The following FAT3 variants were observed in gnomAD, a reference collection of about 807,000 sequenced individuals.
FAT3 encodes FAT atypical cadherin 3.
FAT3 carries 95 observed loss-of-function variants against 310.2 expected under a neutral mutation model. The ratio of observed to expected loss-of-function variants is 0.31; its 90% confidence interval spans 0.26 to 0.36. The LOEUF (loss-of-function observed/expected upper bound fraction) is 0.36. FAT3 is among the 10% of genes least tolerant of loss of function. The pLI, the probability that FAT3 is intolerant of heterozygous loss-of-function variation, is 1.00. For missense variants in FAT3, 5,408 were observed against 5,715.6 expected (o/e 0.95, Z 1.74); for synonymous variants, 2,314 against 2,192.9 (o/e 1.06, Z -1.54).
At chr11:92,249,940 A>G (rs1318028762) in intron 1 of FAT3, among the ~76,000 whole-genome samples, 1 of 152,138 alleles carries the variant, frequency 6.6e-6, no homozygotes, top group African/African-American at 2.4e-5. Flanking sequence ...TTCTGGTGCA[A>G]GATAGAACAG....
intron 4 of FAT3, among the ~76,000 whole-genome samples, chr11:92,698,031 G>A (rs531005): frequency 0.5 from 76,547 of 151,970 alleles, 19,772 homozygotes; most frequent in African/African-American, 0.6. Flanking sequence ...GAGCTTTGCA[G>A]CACATTCTTT....
intron 2 of FAT3, among the ~76,000 whole-genome samples, chr11:92,432,768 G>T (rs949182605): frequency 1.3e-5 from 2 of 152,146 alleles, no homozygotes; most frequent in Non-Finnish European, 2.9e-5. Flanking sequence ...CACTGTGCTG[G>T]GAGATCTGCT....
chr11:92,466,899 A>G (rs1405623710), intron 2 of FAT3, among the ~76,000 whole-genome samples: 3 of 151,722 alleles, frequency 2.0e-5, no homozygotes, highest in Non-Finnish European at 4.4e-5. Context: ...ATGTCCCTAC[A>G]AAGGACATGA....
chr11:92,254,831 G>A (rs1004583675), intron 1 of FAT3, among the ~76,000 whole-genome samples: 13 of 151,892 alleles, frequency 8.6e-5, no homozygotes, highest in African/African-American at 2.9e-4. Context: ...TCAGCCTCCC[G>A]AGTAGCTGGG....
At chr11:92,860,731 G>A (rs1470447363) in intron 21 of FAT3, among the ~76,000 whole-genome samples, 1 of 152,190 alleles carries the variant, frequency 6.6e-6, no homozygotes, top group Non-Finnish European at 1.5e-5. Flanking sequence ...TAGTTCTAAA[G>A]GCAGGTGAGG....
intron 6 of FAT3, among the ~76,000 whole-genome samples, chr11:92,771,762 TA>T (rs5793624): frequency 0.37 from 52,428 of 140,452 alleles, 9,758 homozygotes; most frequent in African/African-American, 0.49. Context: ...GAGAGAACTG[TA>T]AAAAAAAAAA....
chr11:92,801,562 C>T lies in FAT3; in HGVS notation c.8549C>T (p.Thr2850Ile), dbSNP rs532150746. The T allele has an allele frequency of 1.2e-6, 2 of 1,608,374 alleles. No individual in the cohort carries two copies. Among genetic ancestry groups the T allele is most frequent in the African/African-American group, 1.3e-5 (1 of 74,980 alleles). The stretch of plus-strand genomic sequence containing the variant: ...GACTGGGGAGCCAATGGACAAGTCA[C>T]TTACTCCCTCCACTCGGATTCCCAG... ...DMDWGANGQVTYSLHSDSQPE... is the reference protein window; with the variant it reads ...DMDWGANGQVIYSLHSDSQPE... Residue 2850 changes from threonine to isoleucine, a missense_variant, in exon 10 of 28, where the codon ACT (threonine) becomes ATT (isoleucine). Transcript: ENST00000525166.
intron 3 of FAT3, among the ~76,000 whole-genome samples, chr11:92,660,273 G>T (rs1942736332): frequency 6.6e-6 from 1 of 151,964 alleles, no homozygotes; most frequent in Non-Finnish European, 1.5e-5. Flanking sequence ...GCTGGGACAA[G>T]GTGGGGGTGG....
At chr11:92,789,740 G>A (rs1946987483) in intron 7 of FAT3, among the ~76,000 whole-genome samples, 1 of 152,148 alleles carries the variant, frequency 6.6e-6, no homozygotes, top group African/African-American at 2.4e-5. Flanking sequence ...CATAGTTTAT[G>A]TTCCTGCTAA....
At chr11:92,703,024 C>G (rs554260687) in intron 4 of FAT3, among the ~76,000 whole-genome samples, 2 of 152,300 alleles carry the variant, frequency 1.3e-5, no homozygotes, top group South Asian at 2.1e-4. Context: ...GAGGAATAGA[C>G]TAGATCCATA....
At chr11:92,795,836 A>T (rs112939886) in intron 9 of FAT3, among the ~76,000 whole-genome samples, 2,039 of 152,206 alleles carry the variant, frequency 0.013, 49 homozygotes, top group African/African-American at 0.046. Flanking sequence ...TGAACCCAGG[A>T]GACAGAGGTT....
intron 1 of FAT3, among the ~76,000 whole-genome samples, chr11:92,340,794 G>A (rs1948236030): frequency 2.0e-5 from 3 of 152,192 alleles, no homozygotes; most frequent in African/African-American, 7.2e-5. Flanking sequence ...TCCAGGCAAT[G>A]TGGGCTTATA....
rs145482241 is a variant in FAT3, at chr11:92,521,919, G to A, written c.3293-2715G>A. Reference sequence around the variant, plus strand: ...CTAAACCAGATTAGCCCTTCTGGCTGTTGGGTATGCATTTATCCCCTCAGT... The same window carrying A: ...CTAAACCAGATTAGCCCTTCTGGCTATTGGGTATGCATTTATCCCCTCAGT... On this transcript the variant is annotated intron_variant, in intron 2 of 27. Coordinates refer to ENST00000525166, the MANE Select transcript of FAT3 (RefSeq NM_001367949.2). 4.6e-5 allele frequency among the ~76,000 whole-genome samples: 7 copies of A among 152,210 alleles called. No homozygotes were observed. The East Asian group carries it at 9.7e-4, about 21-fold the overall frequency.
At chr11:92,477,488 G>A (rs1484920404) in intron 2 of FAT3, among the ~76,000 whole-genome samples, 2 of 152,104 alleles carry the variant, frequency 1.3e-5, no homozygotes, top group South Asian at 2.1e-4. Flanking sequence ...GTTCTTATAG[G>A]CATGTCTTTA....
At chr11:92,430,206 G>T (rs186139248) in intron 2 of FAT3, among the ~76,000 whole-genome samples, 11 of 152,272 alleles carry the variant, frequency 7.2e-5, no homozygotes, top group African/African-American at 2.4e-4. Context: ...AAGTCCTCAT[G>T]CTGTGTTTTG....
intron 2 of FAT3, among the ~76,000 whole-genome samples, chr11:92,410,287 GGTGT>G (rs1045374892): frequency 2.0e-5 from 3 of 151,432 alleles, no homozygotes; most frequent in African/African-American, 7.3e-5. Context: ...TTTTTTTATA[GGTGT>G]GTGTGTGTGT....
At chr11:92,761,302 C>T (rs879832565) in intron 4 of FAT3, among the ~76,000 whole-genome samples, 2 of 152,200 alleles carry the variant, frequency 1.3e-5, no homozygotes, top group African/African-American at 2.4e-5. Flanking sequence ...CAGCCTCTTT[C>T]GAAGGGCACT....
intron 3 of FAT3, among the ~76,000 whole-genome samples, chr11:92,536,417 C>A (rs1178592418): frequency 6.6e-6 from 1 of 152,078 alleles, no homozygotes; most frequent in Non-Finnish European, 1.5e-5. Context: ...GCATTTTGAT[C>A]CCAGCTTCTT....
intron 1 of FAT3, among the ~76,000 whole-genome samples, chr11:92,347,942 T>A (rs1312461931): frequency 1.3e-5 from 2 of 152,140 alleles, no homozygotes; most frequent in Non-Finnish European, 2.9e-5. Flanking sequence ...TTGGCTTCAA[T>A]GTGGAAAGGG....
Sources: gnomAD v4.1 joint callset for allele counts (sites outside exome capture counted in the v4.1 genomes callset) on GRCh38, gnomAD v4.1.1 for gene constraint, MANE v1.5 for transcripts, NCBI Gene and HGNC (gene_info 2026-07-23, HGNC 2026-07-21) for gene names.